Variants in FTCDNL1 observed in about 807,000 individuals in gnomAD.
The protein encoded by FTCDNL1 is formiminotransferase N-terminal subdomain-containing protein.
FTCDNL1 carries 11 observed loss-of-function variants against 5.9 expected under a neutral mutation model. The ratio of observed to expected loss-of-function variants is 1.87; its 90% confidence interval spans 1.18 to 3.10. FTCDNL1 has a LOEUF of 3.10. Ranked by LOEUF, FTCDNL1 falls within the 30% of genes most tolerant of loss-of-function variation. FTCDNL1 has a pLI of 0.00. For synonymous variants in FTCDNL1, 58 were observed against 24.8 expected, an observed-to-expected ratio of 2.34 and a Z score of -3.99; for missense variants, 115 against 65.5, an observed-to-expected ratio of 1.76 and a Z score of -2.61.
the FTCDNL1 span, among the ~76,000 whole-genome samples, chr2:199,679,276 C>G: frequency 6.6e-6 from 1 of 152,016 alleles, no homozygotes; most frequent in Middle Eastern, 3.4e-3. Flanking sequence ...TTTCCTTATC[C>G]ATTGTTATGT....
intron 3 of FTCDNL1, among the ~76,000 whole-genome samples, chr2:199,837,694 T>C (rs1325773571): frequency 6.6e-6 from 1 of 152,218 alleles, no homozygotes; most frequent in East Asian, 1.9e-4. Flanking sequence ...AGGCTGATCA[T>C]TCTGATCAAA....
At chr2:199,844,433 G>A (rs1011567490) in intron 3 of FTCDNL1, 8 of 659,490 alleles carry the variant, frequency 1.2e-5, no homozygotes, top group Admixed American at 4.3e-5. Context: ...AGGGTAAATC[G>A]GAATCAAGTC....
the FTCDNL1 span, among the ~76,000 whole-genome samples, chr2:199,674,164 G>T: frequency 6.6e-6 from 1 of 152,118 alleles, no homozygotes; most frequent in Non-Finnish European, 1.5e-5. Flanking sequence ...AAGGAAAGCT[G>T]CATTCTGAGG....
At chr2:199,676,893 G>A in the FTCDNL1 span, among the ~76,000 whole-genome samples, 518 of 152,214 alleles carry the variant, frequency 3.4e-3, 5 homozygotes, top group African/African-American at 0.012. Context: ...AAAATTAAGC[G>A]TCTCGACAAA....
the FTCDNL1 span, among the ~76,000 whole-genome samples, chr2:199,675,759 C>G: frequency 6.6e-6 from 1 of 152,126 alleles, no homozygotes; most frequent in Non-Finnish European, 1.5e-5. Context: ...ATACCCACCC[C>G]CAACCTCCTG....
the FTCDNL1 span, among the ~76,000 whole-genome samples, chr2:199,734,526 A>C: frequency 6.6e-6 from 1 of 152,214 alleles, no homozygotes; most frequent in African/African-American, 2.4e-5. Flanking sequence ...TTTCCTTTAG[A>C]GTCAATAAGT....
the FTCDNL1 span, among the ~76,000 whole-genome samples, chr2:199,668,351 G>A: frequency 5.9e-5 from 9 of 152,074 alleles, no homozygotes; most frequent in African/African-American, 1.4e-4. Flanking sequence ...ATTTTATACC[G>A]CACATAGCAG....
the FTCDNL1 span, among the ~76,000 whole-genome samples, chr2:199,688,076 A>G: frequency 0.011 from 1,687 of 151,860 alleles, 34 homozygotes; most frequent in African/African-American, 0.038. Context: ...GCGAAACCCC[A>G]TCTCTACTAA....
the FTCDNL1 span, among the ~76,000 whole-genome samples, chr2:199,705,901 G>A: frequency 1.3e-5 from 2 of 152,186 alleles, no homozygotes; most frequent in African/African-American, 4.8e-5. Context: ...ATGAAAGGAG[G>A]GCAGGAAGTC....
chr2:199,703,226 C>A, the FTCDNL1 span, among the ~76,000 whole-genome samples: 1 of 150,500 alleles, frequency 6.6e-6, no homozygotes, highest in Admixed American at 6.6e-5. Context: ...CCACAACAGT[C>A]CCCAGAGTGT....
chr2:199,844,704 C>G (rs1290869595), intron 3 of FTCDNL1, among the ~76,000 whole-genome samples: 1 of 152,124 alleles, frequency 6.6e-6, no homozygotes, highest in African/African-American at 2.4e-5. Context: ...CCCCACCTCC[C>G]AATAGTCATA....
chr2:199,787,191 T>TC (rs1239269631), intron 3 of FTCDNL1, among the ~76,000 whole-genome samples: 4 of 136,864 alleles, frequency 2.9e-5, no homozygotes, highest in Non-Finnish European at 6.9e-5. Context: ...TCTTTTCTTT[T>TC]TTTTTTTTGA....
rs1368455990 is a variant in FTCDNL1 at position 199,809,873 on chromosome 2, C to G, written c.*2832G>C. ...AAGAGAGATTATATTTTGTAACCCT[C>G]TCATTTTTTAGTCACTTAGTACCTG... is the stretch of plus-strand genomic sequence containing the variant. On this transcript the variant is annotated 3_prime_UTR_variant, in exon 5 of 5. Transcript: ENST00000420128. Among the ~76,000 whole-genome samples the G allele has an allele frequency of 6.7e-6, 1 of 148,276 alleles. No individual in the cohort carries two copies. Among genetic ancestry groups the G allele is most frequent in the African/African-American group, 2.5e-5 (1 of 39,986 alleles).
At chr2:199,835,065 C>T (rs1702635515) in intron 3 of FTCDNL1, among the ~76,000 whole-genome samples, 1 of 152,100 alleles carries the variant, frequency 6.6e-6, no homozygotes, top group African/African-American at 2.4e-5. Context: ...GTAGTCCTAG[C>T]TATTCAGGAG....
At chr2:199,703,553 A>T in the FTCDNL1 span, among the ~76,000 whole-genome samples, 1 of 152,146 alleles carries the variant, frequency 6.6e-6, no homozygotes, top group Non-Finnish European at 1.5e-5. Context: ...GTCTTGTAGG[A>T]AGTTTAAAAT....
chr2:199,766,049 C>T (rs1176238117), intron 3 of FTCDNL1, among the ~76,000 whole-genome samples: 1 of 152,152 alleles, frequency 6.6e-6, no homozygotes, highest in Non-Finnish European at 1.5e-5. Flanking sequence ...ATCTTTGCTA[C>T]TTTCCTCATT....
the FTCDNL1 span, among the ~76,000 whole-genome samples, chr2:199,674,229 GGTAAA>G: frequency 1.3e-5 from 2 of 152,010 alleles, no homozygotes; most frequent in African/African-American, 2.4e-5. Context: ...TCAGGGAATT[GGTAAA>G]GTAAAGAGGA....
the FTCDNL1 span, among the ~76,000 whole-genome samples, chr2:199,698,252 G>A: frequency 6.6e-6 from 1 of 152,092 alleles, no homozygotes; most frequent in African/African-American, 2.4e-5. Flanking sequence ...CAGAGCTATT[G>A]AGGACCTAAA....
chr2:199,813,625 T>C (rs1479008488), intron 4 of FTCDNL1, among the ~76,000 whole-genome samples: 2 of 152,180 alleles, frequency 1.3e-5, no homozygotes, highest in Non-Finnish European at 2.9e-5. Flanking sequence ...AAATACTTTG[T>C]TACCAGGCTG....
Sources: gnomAD v4.1 joint callset for allele counts (sites outside exome capture counted in the v4.1 genomes callset) on GRCh38, gnomAD v4.1.1 for gene constraint, MANE v1.5 for transcripts, NCBI Gene and HGNC (gene_info 2026-07-23, HGNC 2026-07-21) for gene names.